SLC22A9: variants seen among roughly 807,000 people sequenced by gnomAD.
SLC22A9 encodes the protein solute carrier family 22 member 9, also known as organic anion transporter 7.
In SLC22A9, 64 loss-of-function variants were observed where a neutral mutation model predicts 50.1. That is an observed-to-expected ratio of 1.28 (90% CI 1.04 to 1.57). SLC22A9 has a LOEUF of 1.57. Ranked by LOEUF, SLC22A9 falls within the 40% of genes most tolerant of loss-of-function variation. SLC22A9 has a pLI of 0.00. For synonymous variants in SLC22A9, 261 were observed against 242.5 expected (o/e 1.08, Z -0.71); for missense variants, 757 against 676.1 (o/e 1.12, Z -1.33).
In SLC22A9 at chr11:63,405,485, T is replaced by A. The variant is rs371632934; in HGVS notation, c.1074-1012T>A. 1.6e-4 allele frequency among the ~76,000 whole-genome samples: 25 copies of A among 152,278 alleles called. No homozygotes were observed. In the East Asian group the frequency reaches 2.7e-3, roughly 16 times the overall value. On this transcript the variant is annotated intron_variant, in intron 6 of 9. Transcript: ENST00000279178. ...ATTCTGAAAACGTAATAAAAACTAT[T>A]GACTCCTTTCTATGCTAATAAACAA... is the stretch of plus-strand genomic sequence containing the variant.
intron 7 of SLC22A9, among the ~76,000 whole-genome samples, 194 bp downstream of exon 7, chr11:63,406,905 G>A (rs767783933): frequency 5.3e-5 from 8 of 152,092 alleles, no homozygotes; most frequent in Non-Finnish European, 1.2e-4. Context: ...GTAAAGGTTG[G>A]CTCTATTATA....
chr11:63,391,137 C>A (rs989327964), intron 6 of SLC22A9, among the ~76,000 whole-genome samples: 1 of 151,818 alleles, frequency 6.6e-6, no homozygotes. Flanking sequence ...TTCAAAATTC[C>A]TCTTGTTATT....
rs569349622 is a variant in SLC22A9 at position 63,369,870 on chromosome 11, C to A, written c.-187C>A. Reference sequence around the variant, plus strand: ...AGAGAAAACGGCTACCTATCTGACCCCAAAACGACTTGAGGAAACTGTTTC... The same window carrying A: ...AGAGAAAACGGCTACCTATCTGACCACAAAACGACTTGAGGAAACTGTTTC... On this transcript the variant is annotated 5_prime_UTR_variant, in exon 1 of 10. Coordinates refer to ENST00000279178, the MANE Select transcript of SLC22A9 (RefSeq NM_080866.3). 1 of 558,184 alleles carries A rather than the reference C, an allele frequency of 1.8e-6. No individual in the cohort carries two copies. The highest frequency in any genetic ancestry group is 1.9e-5 in the African/African-American group (1 of 52,572). 34.6% of individuals were successfully genotyped at this position (558,184 alleles called of 1,614,324 possible).
rs149124193 is a variant in SLC22A9, at chr11:63,385,106, G to GTTTTTTTT, written c.1073+2843_1073+2850dup. Among the ~76,000 whole-genome samples, 314 of 76,420 alleles carry GTTTTTTTT rather than the reference G, an allele frequency of 4.1e-3. 3 individuals carry two copies. The highest frequency in any genetic ancestry group is 4.8e-3 in the Non-Finnish European group (203 of 41,912). 50.1% of individuals were successfully genotyped at this position (76,420 alleles called of 152,430 possible). A position where few individuals can be genotyped will look rare whatever the true frequency, so the allele number is the denominator to read the frequency against. ...CTTGCCTGTTCACTCTGATGATACA[G>GTTTTTTTT]TTTTTTTTTTTTTTTTTTTTTGCTG... On this transcript the variant is annotated intron_variant, in intron 6 of 9. Transcript: ENST00000279178.
intron 6 of SLC22A9, among the ~76,000 whole-genome samples, chr11:63,400,045 G>A (rs1052651386): frequency 1.3e-5 from 2 of 151,882 alleles, no homozygotes; most frequent in Admixed American, 1.3e-4. Flanking sequence ...GCACTAACAG[G>A]TATGTTTATA....
At chr11:63,379,407 T>C (rs527816843) in intron 5 of SLC22A9, among the ~76,000 whole-genome samples, 11 of 152,036 alleles carry the variant, frequency 7.2e-5, no homozygotes, top group Non-Finnish European at 1.0e-4. Flanking sequence ...ACTATAAAAA[T>C]CCTAGAAGAA....
chr11:63,370,889 C>T (rs1404672789), intron 1 of SLC22A9, among the ~76,000 whole-genome samples: 1 of 152,128 alleles, frequency 6.6e-6, no homozygotes, highest in East Asian at 1.9e-4. Context: ...AGTGATTGCA[C>T]CATGTGGTCA....
At chr11:63,401,320 C>T (rs1209393533) in intron 6 of SLC22A9, among the ~76,000 whole-genome samples, 1 of 151,956 alleles carries the variant, frequency 6.6e-6, no homozygotes, top group Non-Finnish European at 1.5e-5. Context: ...GATACAAAAT[C>T]AACATAAAAC....
chr11:63,396,922 T>G (rs903161372), intron 6 of SLC22A9, among the ~76,000 whole-genome samples: 2 of 152,144 alleles, frequency 1.3e-5, no homozygotes, highest in Non-Finnish European at 2.9e-5. Flanking sequence ...TGCTGATGCT[T>G]GTGGATGTTC....
chr11:63,408,590 C>A, intron 8 of SLC22A9, 86 bp from the exon 9 acceptor site: 1 of 1,211,354 alleles, frequency 8.3e-7, no homozygotes, highest in African/African-American at 1.5e-5. Flanking sequence ...CTAAATGTTC[C>A]CCCATAATTA....
In SLC22A9 at chr11:63,369,855, G is replaced by C; in HGVS notation, c.-202G>C. On this transcript the variant is annotated 5_prime_UTR_variant, in exon 1 of 10. Coordinates refer to ENST00000279178, the MANE Select transcript of SLC22A9 (RefSeq NM_080866.3). ...TTCTTACGTGACTTTAGAGAAAACG[G>C]CTACCTATCTGACCCCAAAACGACT... 1.9e-6 allele frequency: 1 copy of C among 513,716 alleles called. No homozygotes were observed. Among genetic ancestry groups the C allele is most frequent in the Admixed American group, 3.6e-5 (1 of 27,586 alleles). The allele number at this position is 513,716 out of a possible 1,614,324, so 31.8% of individuals were successfully genotyped here.
At chr11:63,404,387 C>A (rs1044913890) in intron 6 of SLC22A9, among the ~76,000 whole-genome samples, 2 of 152,252 alleles carry the variant, frequency 1.3e-5, no homozygotes, top group Non-Finnish European at 2.9e-5. Flanking sequence ...TCTTGGAAAT[C>A]TGCTGTACAA....
At chr11:63,400,158 C>T (rs1055145324) in intron 6 of SLC22A9, among the ~76,000 whole-genome samples, 11 of 151,504 alleles carry the variant, frequency 7.3e-5, no homozygotes, top group Non-Finnish European at 1.6e-4. Flanking sequence ...AAATTAGCAG[C>T]AGGAAAGAAA....
In SLC22A9 at chr11:63,369,805, G is replaced by A. The variant is rs72542471; in HGVS notation, c.-252G>A. 8 of 445,694 alleles carry A rather than the reference G, an allele frequency of 1.8e-5. No individual in the cohort carries two copies. The highest frequency in any genetic ancestry group is 1.4e-4 in the South Asian group (3 of 21,816). 27.6% of individuals were successfully genotyped at this position (445,694 alleles called of 1,614,324 possible). ...ATTTTAAACACATTTCATTGTAAAC[G>A]ACTGGGAGTATCTGAGCAAATTATT... On this transcript the variant is annotated 5_prime_UTR_variant, in exon 1 of 10. Coordinates refer to ENST00000279178, the MANE Select transcript of SLC22A9 (RefSeq NM_080866.3).
intron 6 of SLC22A9, among the ~76,000 whole-genome samples, chr11:63,403,046 A>G (rs967154243): frequency 6.6e-6 from 1 of 152,162 alleles, no homozygotes; most frequent in Non-Finnish European, 1.5e-5. Flanking sequence ...TCAATGACAT[A>G]TAATTGACAA....
At chr11:63,400,198 A>C (rs1037161722) in intron 6 of SLC22A9, among the ~76,000 whole-genome samples, 2 of 152,098 alleles carry the variant, frequency 1.3e-5, no homozygotes, top group Admixed American at 1.3e-4. Context: ...AAATAAACGA[A>C]ATTGATACAA....
At chr11:63,388,295 C>A (rs887307241) in intron 6 of SLC22A9, among the ~76,000 whole-genome samples, 1 of 151,564 alleles carries the variant, frequency 6.6e-6, no homozygotes, top group Non-Finnish European at 1.5e-5. Context: ...ATGATACCAG[C>A]TATGAGTCTG....
At chr11:63,394,208 C>T (rs568096102) in intron 6 of SLC22A9, among the ~76,000 whole-genome samples, 42 of 152,060 alleles carry the variant, frequency 2.8e-4, no homozygotes, top group African/African-American at 6.5e-4. Context: ...CTTTTTTCAA[C>T]GTTCTTAGCT....
In SLC22A9 at chr11:63,385,169, A is replaced by T. The variant is rs1427279855; in HGVS notation, c.1073+2892A>T. ...TTAGTTTAATTAGATCCTATGGCCA[A>T]TTTTTTTTTTGTTGCAGTTGCTTTT... On this transcript the variant is annotated intron_variant, in intron 6 of 9. Coordinates refer to ENST00000279178, the MANE Select transcript of SLC22A9 (RefSeq NM_080866.3). Among the ~76,000 whole-genome samples, 739 of 118,714 alleles carry T rather than the reference A, an allele frequency of 6.2e-3. 7 individuals carry two copies. Among genetic ancestry groups the T allele is most frequent in the African/African-American group, 0.021 (670 of 32,508 alleles). The allele number at this position is 118,714 out of a possible 152,430, so 77.9% of individuals were successfully genotyped here.
Sources: gnomAD v4.1 joint callset for allele counts (sites outside exome capture counted in the v4.1 genomes callset) on GRCh38, gnomAD v4.1.1 for gene constraint, MANE v1.5 for transcripts, NCBI Gene and HGNC (gene_info 2026-07-23, HGNC 2026-07-21) for gene names.